SGK1: variants seen among roughly 807,000 people sequenced by gnomAD.
SGK1 encodes serine/threonine-protein kinase Sgk1.
A neutral mutation model predicts 64.2 loss-of-function variants in SGK1; 26 were observed. The observed-to-expected ratio is 0.40, with a 90% confidence interval of 0.30 to 0.56. SGK1 has a LOEUF of 0.56. Among genes scored for constraint, SGK1 ranks in the 20% least tolerant of loss-of-function variants. SGK1 has a pLI of 0.38. For synonymous variants in SGK1, 265 were observed against 239.7 expected (o/e 1.11, Z -0.98); for missense variants, 519 against 645.6 (o/e 0.80, Z 2.12).
chr6:134,195,686 T>C (rs1775584631), intron 3 of SGK1, among the ~76,000 whole-genome samples: 1 of 152,236 alleles, frequency 6.6e-6, no homozygotes, highest in African/African-American at 2.4e-5. Context: ...TTCTAGATCT[T>C]AGCTTAAGAA....
At chr6:134,279,431 A>AAAATAAATAAATAAATAAAT (rs142061179) in intron 1 of SGK1, among the ~76,000 whole-genome samples, 5,233 of 148,032 alleles carry the variant, frequency 0.035, 148 homozygotes, top group East Asian at 0.068. Context: ...ATCCTGTCTC[A>AAAATAAATAAATAAATAAAT]AAATAAATAA....
chr6:134,235,823 C>T lies in SGK1; in HGVS notation c.285+26110G>A, dbSNP rs373145723. Among the ~76,000 whole-genome samples the T allele has an allele frequency of 1.9e-4, 29 of 152,246 alleles. No homozygotes were observed. The East Asian group carries it at 4.0e-3, about 21-fold the overall frequency. On this transcript the variant is annotated intron_variant, in intron 2 of 13. Coordinates refer to ENST00000367858, the MANE Select transcript of SGK1 (RefSeq NM_001143676.3). Reference sequence around the variant, plus strand: ...CTCCTGACCTCAGGTGATCCTCTCTCCTCGGTCTCCCAAAGTGCTGGGATT... The same window carrying T: ...CTCCTGACCTCAGGTGATCCTCTCTTCTCGGTCTCCCAAAGTGCTGGGATT...
In SGK1 at chr6:134,271,492, A is replaced by C. The variant is rs760038602; in HGVS notation, c.70-9344T>G. Among the ~76,000 whole-genome samples, 3 of 147,848 alleles carry C rather than the reference A, an allele frequency of 2.0e-5. 1 individual carries two copies. Among genetic ancestry groups the C allele is most frequent in the Non-Finnish European group, 4.5e-5 (3 of 66,740 alleles). ...TTGGAAATTAAGGCTCAGGGAAAAT[A>C]GAAATGCTGGTGTAATCAGTGGAGA... On this transcript the variant is annotated intron_variant, in intron 1 of 13. Transcript: ENST00000367858.
intron 9 of SGK1, 134 bp from the exon 10 acceptor site, chr6:134,172,450 C>A (rs977644924): frequency 2.2e-6 from 2 of 920,760 alleles, no homozygotes; most frequent in Non-Finnish European, 1.6e-6. Flanking sequence ...AAAAAGGGAG[C>A]CCTTGTTCTG....
At position 134,232,384 on chromosome 6, in the gene SGK1, CAAAAAAAGAAAGA is replaced by C. The variant is rs1312020379; in HGVS notation, c.286-24966_286-24954del. Among the ~76,000 whole-genome samples the C allele has an allele frequency of 2.7e-3, 141 of 52,412 alleles. 1 individual carries two copies. The highest frequency in any genetic ancestry group is 0.011 in the African/African-American group (138 of 13,030). 34.4% of individuals were successfully genotyped at this position (52,412 alleles called of 152,430 possible). On this transcript the variant is annotated intron_variant, in intron 2 of 13. Coordinates refer to ENST00000367858, the MANE Select transcript of SGK1 (RefSeq NM_001143676.3). Reference sequence around the variant, plus strand: ...TGGGCGATAGAGCAAGACTCTGTCTCAAAAAAAGAAAGAAGAAAAAGAAAGAAAGAGAAAGAAA... The same window carrying C: ...TGGGCGATAGAGCAAGACTCTGTCTCAGAAAAAGAAAGAAAGAGAAAGAAA...
At position 134,227,666 on chromosome 6, in the gene SGK1, A is replaced by G. The variant is rs139180567; in HGVS notation, c.286-20235T>C. Among the ~76,000 whole-genome samples the G allele has an allele frequency of 3.3e-5, 5 of 152,338 alleles. No individual in the cohort carries two copies. In the East Asian group the frequency reaches 5.8e-4, roughly 18 times the overall value. ...CTCACTTTATGCTCACAACATCCCT[A>G]TGAGGAAGGTATAATTGTCACCATC... On this transcript the variant is annotated intron_variant, in intron 2 of 13. Coordinates refer to ENST00000367858, the MANE Select transcript of SGK1 (RefSeq NM_001143676.3).
chr6:134,170,828 C>T lies in SGK1; in HGVS notation c.1411G>A (p.Val471Met). Reference sequence around the variant, plus strand: ...TTAGAAGAGAGACAGATACTCACCACATTTGGGTTAAAAGGGGGAGTAATC... The same window carrying T: ...TTAGAAGAGAGACAGATACTCACCATATTTGGGTTAAAAGGGGGAGTAATC... ...KKITPPFNPN[V>M]SGPNDLRHFD... Residue 471 changes from valine (V) to methionine (M), a missense_variant and splice_region_variant, in exon 13 of 14, where the codon GTG (valine) becomes ATG (methionine). By Grantham distance (21) the Val-to-Met change is conservative. Coordinates refer to ENST00000367858, the MANE Select transcript of SGK1 (RefSeq NM_001143676.3). 6.3e-7 allele frequency: 1 copy of T among 1,583,532 alleles called. No homozygotes were observed. Among genetic ancestry groups the T allele is most frequent in the Non-Finnish European group, 8.7e-7 (1 of 1,152,492 alleles).
chr6:134,173,252 C>T, intron 7 of SGK1, 22 bp downstream of exon 7: 2 of 1,609,356 alleles, frequency 1.2e-6, no homozygotes, highest in Middle Eastern at 1.6e-4. Context: ...CCAATGCCAG[C>T]CCCATCAAGC....
At chr6:134,296,102 C>G (rs1490449083) in intron 1 of SGK1, among the ~76,000 whole-genome samples, 1 of 152,144 alleles carries the variant, frequency 6.6e-6, no homozygotes, top group African/African-American at 2.4e-5. Flanking sequence ...TCTCAAATGT[C>G]ATCAGTCGAC....
chr6:134,247,868 C>T (rs1776548364), intron 2 of SGK1, among the ~76,000 whole-genome samples: 1 of 152,184 alleles, frequency 6.6e-6, no homozygotes, highest in South Asian at 2.1e-4. Context: ...TACTTGGTCT[C>T]TCTGACTTGT....
chr6:134,201,513 C>A (rs1394988060), intron 3 of SGK1, among the ~76,000 whole-genome samples: 1 of 152,014 alleles, frequency 6.6e-6, no homozygotes, highest in African/African-American at 2.4e-5. Flanking sequence ...AGGCAGACAC[C>A]ACCAGGCCTA....
At chr6:134,170,979 T>C (rs1774998538) in intron 12 of SGK1, 44 bp downstream of exon 12, 4 of 1,612,678 alleles carry the variant, frequency 2.5e-6, no homozygotes, top group South Asian at 2.2e-5. Context: ...GGAGGTCTAG[T>C]GCACGTCCCG....
chr6:134,296,684 AT>A (rs1384022663), intron 1 of SGK1, among the ~76,000 whole-genome samples: 8 of 151,210 alleles, frequency 5.3e-5, no homozygotes, highest in Non-Finnish European at 8.8e-5. Flanking sequence ...TCAGTAAAGG[AT>A]AATTATTGTA....
chr6:134,186,327 C>T (rs1775422887), intron 3 of SGK1, among the ~76,000 whole-genome samples: 1 of 152,120 alleles, frequency 6.6e-6, no homozygotes, highest in Admixed American at 6.6e-5. Context: ...GCTGATATCC[C>T]ATAACTTAAA....
intron 1 of SGK1, among the ~76,000 whole-genome samples, chr6:134,301,718 G>A (rs962661695): frequency 6.6e-6 from 1 of 152,004 alleles, no homozygotes; most frequent in Admixed American, 6.6e-5. Context: ...AGCCTCCCGA[G>A]TAACTGGGAA....
intron 1 of SGK1, among the ~76,000 whole-genome samples, chr6:134,278,720 A>G (rs1366588718): frequency 6.6e-6 from 1 of 152,194 alleles, no homozygotes; most frequent in Non-Finnish European, 1.5e-5. Flanking sequence ...TGAAGTACCT[A>G]TTATGTCCAA....
In SGK1 at chr6:134,253,490, T is replaced by C. The variant is rs531271791; in HGVS notation, c.285+8443A>G. On this transcript the variant is annotated intron_variant, in intron 2 of 13. Transcript: ENST00000367858. Reference sequence around the variant, plus strand: ...CAGCGAGACCTTGTCTCTACTAAAATTTAAAAAAGAAAAAAAACAATTAGC... The same window carrying C: ...CAGCGAGACCTTGTCTCTACTAAAACTTAAAAAAGAAAAAAAACAATTAGC... 1.8e-4 allele frequency among the ~76,000 whole-genome samples: 27 copies of C among 151,814 alleles called. 1 individual carries two copies. In the South Asian group the frequency reaches 5.6e-3, roughly 32 times the overall value.
intron 1 of SGK1, among the ~76,000 whole-genome samples, chr6:134,276,317 A>C (rs1777016159): frequency 6.6e-6 from 1 of 152,222 alleles, no homozygotes; most frequent in Non-Finnish European, 1.5e-5. Flanking sequence ...ATTGGAAGAC[A>C]GTGTTAAAGC....
intron 1 of SGK1, among the ~76,000 whole-genome samples, chr6:134,307,245 G>A (rs967261795): frequency 2.0e-5 from 3 of 152,200 alleles, no homozygotes; most frequent in African/African-American, 7.2e-5. Flanking sequence ...GCCCTTTTAC[G>A]TAAAAGCTGA....
Sources: gnomAD v4.1 joint callset for allele counts (sites outside exome capture counted in the v4.1 genomes callset) on GRCh38, gnomAD v4.1.1 for gene constraint, MANE v1.5 for transcripts, NCBI Gene and HGNC (gene_info 2026-07-23, HGNC 2026-07-21) for gene names.